Variants in ANKS1B observed in about 807,000 individuals in gnomAD.
The protein encoded by ANKS1B is ankyrin repeat and sterile alpha motif domain-containing protein 1B.
Under a neutral mutation model 148.3 loss-of-function variants are expected in ANKS1B, and 36 were observed. The ratio of observed to expected loss-of-function variants is 0.24; its 90% confidence interval spans 0.19 to 0.32. ANKS1B has a LOEUF of 0.32. Ranked by LOEUF, ANKS1B falls within the 10% of genes least tolerant of loss-of-function variation. The pLI is 1.00. For missense variants in ANKS1B, 1,157 were observed against 1,542.6 expected (o/e 0.75, Z 4.19); for synonymous variants, 542 against 560.8 (o/e 0.97, Z 0.47).
At chr12:99,906,085 G>A (rs1023937052) in intron 1 of ANKS1B, among the ~76,000 whole-genome samples, 1 of 152,086 alleles carries the variant, frequency 6.6e-6, no homozygotes, top group Non-Finnish European at 1.5e-5. Flanking sequence ...CAACAGAATC[G>A]ATTATGGGGT....
At chr12:99,504,438 T>C (rs1375630896) in intron 10 of ANKS1B, 38 bp downstream of exon 10, 1 of 1,588,494 alleles carries the variant, frequency 6.3e-7, no homozygotes, top group Admixed American at 1.9e-5. Flanking sequence ...AATAAGCAAG[T>C]AAATTGAATC....
chr12:99,980,327 T>G (rs1349925534), intron 1 of ANKS1B, among the ~76,000 whole-genome samples: 1 of 152,042 alleles, frequency 6.6e-6, no homozygotes, highest in Non-Finnish European at 1.5e-5. Flanking sequence ...AATTACATAA[T>G]ACATATTCAT....
intron 17 of ANKS1B, among the ~76,000 whole-genome samples, chr12:99,040,653 C>G (rs1156785204): frequency 6.6e-6 from 1 of 152,114 alleles, no homozygotes; most frequent in Non-Finnish European, 1.5e-5. Flanking sequence ...GGAATGGCAA[C>G]AGTGTGCATC....
chr12:99,267,866 T>C (rs2076607707), intron 12 of ANKS1B, among the ~76,000 whole-genome samples: 1 of 152,068 alleles, frequency 6.6e-6, no homozygotes, highest in Non-Finnish European at 1.5e-5. Flanking sequence ...GATATGGAGC[T>C]CGGAAAGTAC....
At chr12:99,817,032 C>T (rs921883653) in intron 2 of ANKS1B, among the ~76,000 whole-genome samples, 3 of 151,360 alleles carry the variant, frequency 2.0e-5, no homozygotes, top group African/African-American at 4.8e-5. Flanking sequence ...GTGTTGGGAA[C>T]ATCACAATTC....
chr12:99,513,145 C>G (rs2096783354), intron 9 of ANKS1B, among the ~76,000 whole-genome samples: 1 of 151,880 alleles, frequency 6.6e-6, no homozygotes, highest in African/African-American at 2.4e-5. Context: ...GCAAGACCCT[C>G]CACCAGCAAA....
At chr12:99,457,942 A>C (rs984362166) in intron 10 of ANKS1B, among the ~76,000 whole-genome samples, 2 of 152,130 alleles carry the variant, frequency 1.3e-5, no homozygotes, top group Non-Finnish European at 2.9e-5. Context: ...AGATATTTAC[A>C]GAATATTCTA....
intron 9 of ANKS1B, among the ~76,000 whole-genome samples, chr12:99,591,444 A>T (rs1299081): frequency 0.49 from 73,630 of 151,792 alleles, 18,813 homozygotes; most frequent in African/African-American, 0.66. Flanking sequence ...CTATATTGGT[A>T]AAAATAATAT....
chr12:99,102,352 A>G (rs913213460), intron 15 of ANKS1B, among the ~76,000 whole-genome samples: 1 of 152,338 alleles, frequency 6.6e-6, no homozygotes, highest in South Asian at 2.1e-4. Context: ...TGAATGAGTA[A>G]GGGAGGAGAA....
intron 17 of ANKS1B, among the ~76,000 whole-genome samples, chr12:99,041,265 T>G (rs1269216848): frequency 6.6e-6 from 1 of 152,102 alleles, no homozygotes; most frequent in African/African-American, 2.4e-5. Flanking sequence ...TCAAATTCAA[T>G]GAAAAAATAT....
chr12:99,384,350 C>T lies in ANKS1B; in HGVS notation c.1756+15281G>A, dbSNP rs1326433311. ...GTAATCTTTAAAATGTTGACAATAC[C>T]GTTTGTCCTATCTACCATCAAAATT... On this transcript the variant is annotated intron_variant, in intron 12 of 26. Coordinates refer to ENST00000683438, the MANE Select transcript of ANKS1B (RefSeq NM_001352186.2). Among the ~76,000 whole-genome samples the T allele has an allele frequency of 3.3e-5, 5 of 152,056 alleles. No individual in the cohort carries two copies. In the South Asian group the frequency reaches 6.2e-4, roughly 19 times the overall value.
At chr12:99,826,881 A>C (rs949649419) in intron 1 of ANKS1B, among the ~76,000 whole-genome samples, 1 of 152,048 alleles carries the variant, frequency 6.6e-6, no homozygotes, top group Non-Finnish European at 1.5e-5. Context: ...GAGGCTGAGG[A>C]GGGAGGTTCA....
intron 16 of ANKS1B, among the ~76,000 whole-genome samples, chr12:99,072,824 C>T (rs1322205568): frequency 6.6e-6 from 1 of 151,984 alleles, no homozygotes; most frequent in African/African-American, 2.4e-5. Context: ...TTTCTGGGTC[C>T]CTCACTAGAA....
At chr12:99,587,389 TAGAA>T (rs906850754) in intron 9 of ANKS1B, among the ~76,000 whole-genome samples, 1 of 152,082 alleles carries the variant, frequency 6.6e-6, no homozygotes, top group Non-Finnish European at 1.5e-5. Context: ...CTGAGGAAAA[TAGAA>T]AGCCTAAGAA....
intron 16 of ANKS1B, among the ~76,000 whole-genome samples, chr12:99,059,786 T>C (rs1318239622): frequency 7.2e-6 from 1 of 139,516 alleles, no homozygotes; most frequent in Non-Finnish European, 1.5e-5. Context: ...AAAACTAAAA[T>C]TCATATATAT....
intron 12 of ANKS1B, among the ~76,000 whole-genome samples, chr12:99,353,092 A>T (rs2091606689): frequency 6.6e-6 from 1 of 152,046 alleles, no homozygotes; most frequent in African/African-American, 2.4e-5. Flanking sequence ...CCTTCTCCTA[A>T]TTAGAATCTT....
chr12:99,807,253 T>G (rs1249498717), intron 3 of ANKS1B, among the ~76,000 whole-genome samples: 1 of 152,214 alleles, frequency 6.6e-6, no homozygotes, highest in Non-Finnish European at 1.5e-5. Flanking sequence ...AAGTACCTTT[T>G]TGAAATGTTA....
chr12:99,758,092 C>T (rs7398639), intron 8 of ANKS1B, among the ~76,000 whole-genome samples: 1 of 151,084 alleles, frequency 6.6e-6, no homozygotes, highest in African/African-American at 2.4e-5. Context: ...TTAAAATAGA[C>T]GTAAAAAAAG....
intron 22 of ANKS1B, among the ~76,000 whole-genome samples, chr12:98,791,518 A>C (rs187665024): frequency 3.9e-4 from 60 of 152,086 alleles, no homozygotes; most frequent in African/African-American, 8.0e-4. Flanking sequence ...AGTGAAAGAA[A>C]ATAATTGATG....
Sources: gnomAD v4.1 joint callset for allele counts (sites outside exome capture counted in the v4.1 genomes callset) on GRCh38, gnomAD v4.1.1 for gene constraint, MANE v1.5 for transcripts, NCBI Gene and HGNC (gene_info 2026-07-23, HGNC 2026-07-21) for gene names.